PDSS2: variants seen among roughly 807,000 people sequenced by gnomAD.
PDSS2 encodes decaprenyl diphosphate synthase subunit 2.
Under a neutral mutation model 44.5 loss-of-function variants are expected in PDSS2, and 31 were observed. The ratio of observed to expected loss-of-function variants is 0.70; its 90% CI spans 0.52 to 0.94. PDSS2 has a LOEUF of 0.94. PDSS2 is among the 40% of genes least tolerant of loss of function. The probability of loss-of-function intolerance (pLI) is 0.00; values close to 1 mark genes in which losing one functional copy is unlikely to be tolerated. For missense variants in PDSS2, 452 were observed against 482.2 expected, an observed-to-expected ratio of 0.94 and a Z score of 0.59; for synonymous variants, 157 against 180.3, an observed-to-expected ratio of 0.87 and a Z score of 1.03.
At chr6:107,299,425 G>A (rs141226432) in intron 2 of PDSS2, among the ~76,000 whole-genome samples, 7 of 152,124 alleles carry the variant, frequency 4.6e-5, no homozygotes, top group East Asian at 1.9e-4. Flanking sequence ...AAAGGAACCC[G>A]AAAATCCAGG....
intron 7 of PDSS2, among the ~76,000 whole-genome samples, chr6:107,177,121 T>C (rs1261784960): frequency 2.1e-5 from 3 of 145,232 alleles, no homozygotes; most frequent in Non-Finnish European, 4.5e-5. Context: ...CTGAAACACG[T>C]AATGTAATTC....
chr6:107,198,710 C>A (rs571222704), intron 6 of PDSS2, among the ~76,000 whole-genome samples: 1 of 152,220 alleles, frequency 6.6e-6, no homozygotes, highest in South Asian at 2.1e-4. Flanking sequence ...AATTCCAACA[C>A]TTTGGGAGAC....
chr6:107,157,678 G>GC (rs1770953389), intron 7 of PDSS2, among the ~76,000 whole-genome samples: 1 of 142,502 alleles, frequency 7.0e-6, no homozygotes, highest in South Asian at 2.3e-4. Context: ...TAGCGTTTTT[G>GC]TTTTTTTTTT....
intron 7 of PDSS2, among the ~76,000 whole-genome samples, chr6:107,191,507 G>A (rs1772378652): frequency 6.6e-6 from 1 of 152,170 alleles, no homozygotes; most frequent in East Asian, 1.9e-4. Flanking sequence ...GCTAATCACA[G>A]GAGAGAGGAT....
intron 2 of PDSS2, among the ~76,000 whole-genome samples, chr6:107,294,396 A>C (rs977656581): frequency 2.0e-5 from 3 of 152,262 alleles, no homozygotes; most frequent in African/African-American, 7.2e-5. Flanking sequence ...GAAATTCCTC[A>C]GAATTTTTTT....
At chr6:107,184,525 T>C (rs1772097025) in intron 7 of PDSS2, among the ~76,000 whole-genome samples, 3 of 152,242 alleles carry the variant, frequency 2.0e-5, no homozygotes, top group South Asian at 2.1e-4. Context: ...TATGTGATCA[T>C]GCAAATGCAA....
In PDSS2 at chr6:107,320,540, TTA is replaced by T. The variant is rs1777348588; in HGVS notation, c.431+13656_431+13657del. 2.0e-5 allele frequency among the ~76,000 whole-genome samples: 3 copies of T among 152,306 alleles called. No homozygotes were observed. The East Asian group carries it at 5.8e-4, about 29-fold the overall frequency. On this transcript the variant is annotated intron_variant, in intron 2 of 7. Coordinates refer to ENST00000369037, the MANE Select transcript of PDSS2 (RefSeq NM_020381.4). ...AAAGCCCATTAGACAGAATATCTGC[TTA>T]GGGCACAAGTCTATTTTAAAAAAAG...
rs79342373 is a variant in PDSS2 at position 107,339,877 on chromosome 6, T to C, written c.297-5545A>G. 8.3e-3 allele frequency among the ~76,000 whole-genome samples: 1,258 copies of C among 152,058 alleles called. 20 individuals are homozygous for C. Among genetic ancestry groups the C allele is most frequent in the African/African-American group, 0.027 (1,113 of 41,494 alleles). On this transcript the variant is annotated intron_variant, in intron 1 of 7. Transcript: ENST00000369037. ...CTTTATCCAAAGAGCAATTCAAAGG[T>C]GCTGTGGTATTTTATTAAGCAGCCA...
At chr6:107,386,713 T>C (rs943555661) in intron 1 of PDSS2, among the ~76,000 whole-genome samples, 5 of 152,222 alleles carry the variant, frequency 3.3e-5, no homozygotes, top group African/African-American at 1.2e-4. Flanking sequence ...TATACTACTT[T>C]ATCAATGAAG....
chr6:107,188,074 A>T (rs142333881), intron 7 of PDSS2, among the ~76,000 whole-genome samples: 1 of 152,276 alleles, frequency 6.6e-6, no homozygotes, highest in Non-Finnish European at 1.5e-5. Flanking sequence ...TAGTGCCTCC[A>T]ATATATTAAC....
At chr6:107,409,045 A>C (rs1387971235) in intron 1 of PDSS2, among the ~76,000 whole-genome samples, 1 of 152,232 alleles carries the variant, frequency 6.6e-6, no homozygotes, top group Non-Finnish European at 1.5e-5. Flanking sequence ...TTAACATATA[A>C]AAAGTTAAAA....
At position 107,320,845 on chromosome 6, in the gene PDSS2, T is replaced by C. The variant is rs533974631; in HGVS notation, c.431+13353A>G. On this transcript the variant is annotated intron_variant, in intron 2 of 7. Coordinates refer to ENST00000369037, the MANE Select transcript of PDSS2 (RefSeq NM_020381.4). Reference sequence around the variant, plus strand: ...TTTATAACCTGATGTCTGTCCACTATACTGAGGATGTCAAGATGACTAAGA... The same window carrying C: ...TTTATAACCTGATGTCTGTCCACTACACTGAGGATGTCAAGATGACTAAGA... 1.8e-4 allele frequency among the ~76,000 whole-genome samples: 28 copies of C among 152,280 alleles called. No homozygotes were observed. The East Asian group carries it at 5.0e-3, about 27-fold the overall frequency.
chr6:107,336,558 C>T (rs1777899173), intron 1 of PDSS2, among the ~76,000 whole-genome samples: 1 of 152,068 alleles, frequency 6.6e-6, no homozygotes, highest in African/African-American at 2.4e-5. Context: ...ATGTCCCAAA[C>T]TCTTTACTGT....
chr6:107,344,541 C>T (rs928107262), intron 1 of PDSS2, among the ~76,000 whole-genome samples: 9 of 152,048 alleles, frequency 5.9e-5, no homozygotes, highest in Non-Finnish European at 1.2e-4. Context: ...ATTAAATCCT[C>T]GAGGGACAGC....
intron 1 of PDSS2, among the ~76,000 whole-genome samples, chr6:107,354,982 G>T (rs903981018): frequency 6.6e-6 from 1 of 151,930 alleles, no homozygotes; most frequent in Non-Finnish European, 1.5e-5. Context: ...AGGCTGGATG[G>T]AGTGTGATGG....
At chr6:107,349,161 A>C (rs995616099) in intron 1 of PDSS2, among the ~76,000 whole-genome samples, 1 of 152,224 alleles carries the variant, frequency 6.6e-6, no homozygotes, top group African/African-American at 2.4e-5. Context: ...GGCCGGGTGC[A>C]GTGGCTCACG....
intron 1 of PDSS2, among the ~76,000 whole-genome samples, chr6:107,367,185 C>T (rs912038388): frequency 3.3e-5 from 5 of 151,996 alleles, no homozygotes; most frequent in African/African-American, 1.2e-4. Context: ...TGTCAAAGCA[C>T]GATGTAGGCT....
At chr6:107,243,857 G>A (rs1363089700) in intron 4 of PDSS2, among the ~76,000 whole-genome samples, 3 of 152,144 alleles carry the variant, frequency 2.0e-5, no homozygotes, top group Admixed American at 6.5e-5. Context: ...GGCTGGGCAT[G>A]GTGGCTCACA....
chr6:107,354,025 T>A (rs1778511456), intron 1 of PDSS2, among the ~76,000 whole-genome samples: 1 of 152,216 alleles, frequency 6.6e-6, no homozygotes, highest in African/African-American at 2.4e-5. Flanking sequence ...AAAACTACTA[T>A]CGTACTGTAT....
Sources: allele counts gnomAD v4.1 joint callset (sites outside exome capture counted in the v4.1 genomes callset), GRCh38; gene constraint gnomAD v4.1.1; transcripts MANE v1.5; gene names NCBI Gene and HGNC (gene_info 2026-07-23, HGNC 2026-07-21).